CLSTN1: variants seen among roughly 807,000 people sequenced by gnomAD.
CLSTN1 encodes calsyntenin 1.
In CLSTN1, 28 loss-of-function variants were observed where a neutral mutation model predicts 108.3. That is an observed-to-expected ratio of 0.26 (90% CI 0.19 to 0.35). The LOEUF (loss-of-function observed/expected upper bound fraction) is 0.35, where lower values mean the gene tolerates loss of function less well. Ranked by LOEUF, CLSTN1 falls within the 10% of genes least tolerant of loss-of-function variation. The pLI is 1.00. For missense variants in CLSTN1, 1,157 were observed against 1,302.6 expected, an observed-to-expected ratio of 0.89 and a Z score of 1.72; for synonymous variants, 524 against 534.9, an observed-to-expected ratio of 0.98 and a Z score of 0.28.
At chr1:9,765,235 T>C (rs747535708) in intron 2 of CLSTN1, among the ~76,000 whole-genome samples, 4 of 151,500 alleles carry the variant, frequency 2.6e-5, no homozygotes, top group Non-Finnish European at 5.9e-5. Context: ...AAATACAAAA[T>C]TAGCCGGGCG....
Position 9,823,412 on chromosome 1 carries a change from C to T in CLSTN1, c.91+231G>A, listed in dbSNP as rs1163414268. Among the ~76,000 whole-genome samples, 2 of 152,090 alleles carry T rather than the reference C, an allele frequency of 1.3e-5. No homozygotes were observed. The highest frequency in any genetic ancestry group is 2.9e-5 in the Non-Finnish European group (2 of 67,980). On this transcript the variant is annotated intron_variant, in intron 1 of 18. Transcript: ENST00000377298. This position sits in a 1 kb window ranked among gnomAD's most constrained non-coding sequence, Gnocchi z 6.3. ...CCCCGGGACGCCTGCAGCGCGCGCC[C>T]ACAGTCTCCTGCGCCCTGGCCCCGG...
chr1:9,792,670 T>C (rs1653821324), intron 1 of CLSTN1, among the ~76,000 whole-genome samples: 1 of 151,358 alleles, frequency 6.6e-6, no homozygotes, highest in Admixed American at 6.7e-5. Flanking sequence ...GCCCTTGGCC[T>C]GAATCCCAGA....
At chr1:9,821,532 T>A (rs1176967677) in intron 1 of CLSTN1, among the ~76,000 whole-genome samples, 1 of 152,224 alleles carries the variant, frequency 6.6e-6, no homozygotes, top group Admixed American at 6.5e-5. Flanking sequence ...AGAAAATCTA[T>A]CATTTTCTGC....
At chr1:9,792,685 C>G (rs1378313757) in intron 1 of CLSTN1, among the ~76,000 whole-genome samples, 1 of 151,374 alleles carries the variant, frequency 6.6e-6, no homozygotes, top group Non-Finnish European at 1.5e-5. Flanking sequence ...CCCAGAATAC[C>G]CCAGAGAGGA....
At chr1:9,796,037 G>A (rs1487630157) in intron 1 of CLSTN1, among the ~76,000 whole-genome samples, 1 of 150,892 alleles carries the variant, frequency 6.6e-6, no homozygotes, top group East Asian at 2.0e-4. Flanking sequence ...CAAGGTGGCC[G>A]GATCACTTGA....
intron 1 of CLSTN1, among the ~76,000 whole-genome samples, chr1:9,805,372 G>A (rs1028751856): frequency 4.6e-5 from 7 of 152,114 alleles, no homozygotes; most frequent in African/African-American, 1.4e-4. Context: ...GGGCAGGGAG[G>A]AATCCCCAAA....
Position 9,730,539 on chromosome 1 carries a change from A to AGCT in CLSTN1, c.2912_2914dup (p.Gln971dup). On this transcript the variant is annotated inframe_insertion, in exon 19 of 19. Coordinates refer to ENST00000377298, the MANE Select transcript of CLSTN1 (RefSeq NM_001009566.3). The surrounding 1 kb of genome is among the most constrained non-coding windows in gnomAD (Gnocchi z 5.6). The stretch of plus-strand genomic sequence containing the variant: ...GCTGAGGGTGGAGTCATCCCACTCC[A>AGCT]GCTGCTGCTGCCGGGTTGCGTTCTG... The AGCT allele has an allele frequency of 6.2e-7, 1 of 1,606,662 alleles. No individual in the cohort carries two copies. The highest frequency in any genetic ancestry group is 8.5e-7 in the Non-Finnish European group (1 of 1,179,934).
At chr1:9,769,645 G>A (rs1371619429) in intron 2 of CLSTN1, among the ~76,000 whole-genome samples, 3 of 152,182 alleles carry the variant, frequency 2.0e-5, no homozygotes, top group African/African-American at 7.2e-5. Context: ...CTTGGTGCAA[G>A]GGTTCCTTTT....
rs146107596 is a variant in CLSTN1 at position 9,730,599 on chromosome 1, C to G, written c.2855G>C (p.Ser952Thr). 2.0e-5 allele frequency: 32 copies of G among 1,610,182 alleles called. No individual in the cohort carries two copies. The African/African-American group carries it at 4.0e-4, about 20-fold the overall frequency. Residue 952 changes from serine to threonine, a missense_variant, in exon 19 of 19, where the codon AGC becomes ACC. Transcript: ENST00000377298. This position sits in a 1 kb window ranked among gnomAD's most constrained non-coding sequence, Gnocchi z 5.6. ...EDDITSAESE[S>T]SEEEEGEQGD... is the part of the protein sequence containing the mutation. ...CTGCTCCCCCTCCTCCTCCTCGCTG[C>G]TCTCCGACTCGGCGCTGGTGATGTC...
chr1:9,786,936 C>G (rs1437470583), intron 1 of CLSTN1, among the ~76,000 whole-genome samples: 2 of 151,356 alleles, frequency 1.3e-5, no homozygotes, highest in Non-Finnish European at 2.9e-5. Flanking sequence ...GGTGCACATC[C>G]CACCCTGAAC....
chr1:9,807,868 G>A (rs1319190885), intron 1 of CLSTN1, among the ~76,000 whole-genome samples: 2 of 152,210 alleles, frequency 1.3e-5, no homozygotes, highest in East Asian at 1.9e-4. Context: ...CACTGGCTCG[G>A]TCACCTAGGA....
intron 1 of CLSTN1, among the ~76,000 whole-genome samples, chr1:9,814,272 C>T (rs977211044): frequency 1.4e-5 from 2 of 144,346 alleles, no homozygotes; most frequent in African/African-American, 2.6e-5. Flanking sequence ...AAAAGCCAGG[C>T]ATGGTGGTGT....
At chr1:9,774,045 GTAT>G (rs547115927) in intron 1 of CLSTN1, among the ~76,000 whole-genome samples, 9 of 151,900 alleles carry the variant, frequency 5.9e-5, no homozygotes, top group East Asian at 3.9e-4. Context: ...CCTGGCCCCA[GTAT>G]TATTATTATT....
At chr1:9,773,470 C>T (rs1323295013) in intron 1 of CLSTN1, 76 bp from the exon 2 acceptor site, 2 of 1,405,034 alleles carry the variant, frequency 1.4e-6, no homozygotes, top group East Asian at 2.4e-5. Context: ...TGAAGACACA[C>T]ACCTGCTATT....
intron 7 of CLSTN1, among the ~76,000 whole-genome samples, chr1:9,746,551 C>T (rs1651275606): frequency 6.6e-6 from 1 of 152,056 alleles, no homozygotes; most frequent in South Asian, 2.1e-4. Flanking sequence ...TCTGTCTCTA[C>T]AAAAATACAA....
rs151276321 is a variant in CLSTN1, at chr1:9,733,473, C to G, written c.2355G>C (p.Leu785Phe). The G allele has an allele frequency of 1.9e-6, 3 of 1,614,196 alleles. No homozygotes were observed. Among genetic ancestry groups the G allele is most frequent in the Non-Finnish European group, 2.5e-6 (3 of 1,180,030 alleles). ...LRYRNWHARS[L>F]LDRKFKLICS... The stretch of plus-strand genomic sequence containing the variant: ...AGATGAGCTTAAACTTCCGGTCAAG[C>G]AAGGACCTGGCATGCCAGTTCCGAT... Residue 785 changes from leucine (L) to phenylalanine (F), a missense_variant, in exon 16 of 19, where the codon TTG becomes TTC. Transcript: ENST00000377298.
chr1:9,773,526 C>G (rs1187860218), intron 1 of CLSTN1, 132 bp from the exon 2 acceptor site: 1 of 928,030 alleles, frequency 1.1e-6, no homozygotes, highest in East Asian at 3.1e-5. Context: ...GCTCACAGTT[C>G]TGTCGCAAAA....
In CLSTN1 at chr1:9,755,348, C is replaced by T. The variant is rs201048881; in HGVS notation, c.245-39G>A. 145 of 1,531,666 alleles carry T rather than the reference C, an allele frequency of 9.5e-5. No homozygotes were observed. In the African/African-American group the frequency reaches 1.9e-3, roughly 20 times the overall value. 94.9% of individuals were successfully genotyped at this position (1,531,666 alleles called of 1,614,324 possible). A position where few individuals can be genotyped will look rare whatever the true frequency, so the allele number is the denominator to read the frequency against. ...GCAGAACAGGTAAGAATTCCTACCA[C>T]ATAGATCTTCTGCACCTTGCCCTCC... On this transcript the variant is annotated intron_variant, in intron 3 of 18. Coordinates refer to ENST00000377298, the MANE Select transcript of CLSTN1 (RefSeq NM_001009566.3).
intron 15 of CLSTN1, 124 bp downstream of exon 15, chr1:9,733,848 C>G (rs775246901): frequency 3.9e-5 from 41 of 1,044,562 alleles, no homozygotes; most frequent in Non-Finnish European, 5.0e-5. Flanking sequence ...AGCGAACGTG[C>G]TCCTTCCCCA....
Sources: allele counts gnomAD v4.1 joint callset (sites outside exome capture counted in the v4.1 genomes callset), GRCh38; gene constraint gnomAD v4.1.1; non-coding constraint Gnocchi (gnomAD v3.1); transcripts MANE v1.5; gene names NCBI Gene and HGNC (gene_info 2026-07-23, HGNC 2026-07-21).